FHIP1A: variants seen among roughly 807,000 people sequenced by gnomAD.
FHIP1A encodes FHF complex subunit HOOK-interacting protein 1A.
FHIP1A carries 61 observed loss-of-function variants against 88.6 expected under a neutral mutation model. The observed-to-expected ratio is 0.69, with a 90% CI of 0.56 to 0.85. The LOEUF (loss-of-function observed/expected upper bound fraction) is 0.85. Among genes scored for constraint, FHIP1A ranks in the 40% least tolerant of loss-of-function variants. The probability of loss-of-function intolerance (pLI) is 0.00; values close to 1 mark genes in which losing one functional copy is unlikely to be tolerated. For synonymous variants in FHIP1A, 478 were observed against 496.0 expected, an observed-to-expected ratio of 0.96 and a Z score of 0.48; for missense variants, 1,154 against 1,273.5, an observed-to-expected ratio of 0.91 and a Z score of 1.43.
chr4:151,487,380 C>G (rs1375342894), intron 3 of FHIP1A, among the ~76,000 whole-genome samples: 2 of 151,788 alleles, frequency 1.3e-5, no homozygotes, highest in East Asian at 3.9e-4. Context: ...TTCTTCTTTC[C>G]ACATCTCACC....
intron 7 of FHIP1A, among the ~76,000 whole-genome samples, chr4:151,594,642 T>C (rs1298517992): frequency 6.6e-6 from 1 of 151,784 alleles, no homozygotes; most frequent in Non-Finnish European, 1.5e-5. Context: ...AGTGGTGCGA[T>C]CTCGGCTCAC....
chr4:151,436,360 G>C (rs1444633025), intron 1 of FHIP1A: 2 of 152,074 alleles, frequency 1.3e-5, no homozygotes, highest in African/African-American at 4.8e-5. Flanking sequence ...TTCTTTCTTT[G>C]AGCAACTGGT....
At chr4:151,488,291 C>T (rs902811608) in intron 3 of FHIP1A, among the ~76,000 whole-genome samples, 1 of 152,076 alleles carries the variant, frequency 6.6e-6, no homozygotes. Flanking sequence ...GAGCATAGTA[C>T]CCAATAGGTA....
chr4:151,620,576 A>G (rs1190345915), intron 7 of FHIP1A, among the ~76,000 whole-genome samples: 6 of 152,176 alleles, frequency 3.9e-5, no homozygotes, highest in African/African-American at 1.4e-4. Context: ...ACAAAACTGT[A>G]TGCATTGTCT....
chr4:151,647,418 C>T (rs1174263647), intron 10 of FHIP1A, among the ~76,000 whole-genome samples: 1 of 152,138 alleles, frequency 6.6e-6, no homozygotes, highest in African/African-American at 2.4e-5. Context: ...TTCTGTGTGT[C>T]CTGTGACCAC....
intron 3 of FHIP1A, among the ~76,000 whole-genome samples, chr4:151,529,920 T>C (rs1347530908): frequency 6.6e-6 from 1 of 152,172 alleles, no homozygotes; most frequent in Non-Finnish European, 1.5e-5. Flanking sequence ...TGGGGCCATA[T>C]TGAAACTTCA....
chr4:151,648,480 G>T (rs930230369), intron 10 of FHIP1A, among the ~76,000 whole-genome samples: 1 of 151,976 alleles, frequency 6.6e-6, no homozygotes, highest in African/African-American at 2.4e-5. Flanking sequence ...TTAAAAGCTC[G>T]ATTCTGACCC....
chr4:151,572,193 C>T (rs545352721), intron 4 of FHIP1A, among the ~76,000 whole-genome samples: 38 of 152,190 alleles, frequency 2.5e-4, no homozygotes, highest in Admixed American at 8.5e-4. Context: ...GGTGACAGAG[C>T]GAGACTCCAT....
chr4:151,475,508 T>C (rs921553431), intron 2 of FHIP1A, among the ~76,000 whole-genome samples: 1 of 152,092 alleles, frequency 6.6e-6, no homozygotes, highest in Admixed American at 6.5e-5. Flanking sequence ...TATGAGGATA[T>C]CTGGGGATGG....
chr4:151,580,921 G>C (rs766690125), intron 5 of FHIP1A, among the ~76,000 whole-genome samples: 2 of 152,074 alleles, frequency 1.3e-5, no homozygotes, highest in Non-Finnish European at 2.9e-5. Context: ...GCAGTGGTGC[G>C]ATCTCGGCTC....
rs1319992467 is a variant in FHIP1A, at chr4:151,628,938, AT to A, written c.979-763del. The stretch of plus-strand genomic sequence containing the variant: ...AGGTTAGAATTTTGATACTTGAAGC[AT>A]CAAATCCTCGGCTTCTTGAAAAACT... On this transcript the variant is annotated intron_variant, in intron 7 of 13. Transcript: ENST00000435205. Among the ~76,000 whole-genome samples the A allele has an allele frequency of 2.0e-5, 3 of 152,230 alleles. No individual in the cohort carries two copies. In the East Asian group the frequency reaches 5.8e-4, roughly 29 times the overall value.
intron 3 of FHIP1A, among the ~76,000 whole-genome samples, chr4:151,553,378 A>G (rs115136421): frequency 6.6e-6 from 1 of 152,350 alleles, no homozygotes. Flanking sequence ...AGTATCTGCC[A>G]TATGAAAGGG....
At chr4:151,481,858 C>T (rs541538736) in intron 2 of FHIP1A, among the ~76,000 whole-genome samples, 2 of 152,180 alleles carry the variant, frequency 1.3e-5, no homozygotes, top group African/African-American at 2.4e-5. Flanking sequence ...ACGTTTTGTT[C>T]TCTGTGTTTC....
At chr4:151,487,561 T>C (rs1315852208) in intron 3 of FHIP1A, among the ~76,000 whole-genome samples, 2 of 152,222 alleles carry the variant, frequency 1.3e-5, no homozygotes, top group Non-Finnish European at 1.5e-5. Flanking sequence ...ATTGAACTCA[T>C]TGTTCTTCAC....
chr4:151,543,516 A>T (rs1732375256), intron 3 of FHIP1A, among the ~76,000 whole-genome samples: 1 of 152,224 alleles, frequency 6.6e-6, no homozygotes, highest in Admixed American at 6.5e-5. Context: ...GACACCAAAG[A>T]ATAGCATACA....
chr4:151,496,047 A>G (rs11722000), intron 3 of FHIP1A, among the ~76,000 whole-genome samples: 53,310 of 151,802 alleles, frequency 0.35, 9,964 homozygotes, highest in Non-Finnish European at 0.43. Context: ...CTCAGCATGA[A>G]AGCTGAAATT....
chr4:151,624,177 A>G (rs1021676345), intron 7 of FHIP1A, among the ~76,000 whole-genome samples: 6 of 152,248 alleles, frequency 3.9e-5, no homozygotes. Context: ...TGAGAACAAA[A>G]TGGGAAATGC....
intron 7 of FHIP1A, among the ~76,000 whole-genome samples, chr4:151,589,316 C>T (rs1306163194): frequency 1.3e-5 from 2 of 152,122 alleles, no homozygotes; most frequent in East Asian, 3.8e-4. Flanking sequence ...GCACAAGTGC[C>T]ATAGATTTGC....
intron 3 of FHIP1A, among the ~76,000 whole-genome samples, chr4:151,485,974 A>G (rs945818167): frequency 2.6e-5 from 4 of 152,192 alleles, no homozygotes; most frequent in Non-Finnish European, 4.4e-5. Context: ...CAATTTTTCC[A>G]TGGATGACGG....
Sources: allele counts gnomAD v4.1 joint callset (sites outside exome capture counted in the v4.1 genomes callset), GRCh38; gene constraint gnomAD v4.1.1; transcripts MANE v1.5; gene names NCBI Gene and HGNC (gene_info 2026-07-23, HGNC 2026-07-21).